The following ARNT variants were observed in gnomAD, a reference collection of about 807,000 sequenced individuals.
ARNT encodes aryl hydrocarbon receptor nuclear translocator.
A neutral mutation model predicts 105.0 loss-of-function variants in ARNT; 30 were observed. That is an observed-to-expected ratio of 0.29 (90% CI 0.21 to 0.39). The LOEUF (loss-of-function observed/expected upper bound fraction) is 0.39, where lower values mean the gene tolerates loss of function less well. ARNT is among the 10% of genes least tolerant of loss of function. ARNT has a pLI of 1.00. For synonymous variants in ARNT, 304 were observed against 344.0 expected (o/e 0.88, Z 1.29); for missense variants, 748 against 978.7 (o/e 0.76, Z 3.15).
intron 6 of ARNT, 147 bp from the exon 7 acceptor site, chr1:150,836,640 C>T (rs10305695): frequency 0.031 from 24,109 of 777,416 alleles, 523 homozygotes; most frequent in Middle Eastern, 0.04. Flanking sequence ...CACAGGTTTC[C>T]ACCCTAAATG....
chr1:150,847,425 CAAAAA>C (rs587697329), intron 3 of ARNT, among the ~76,000 whole-genome samples: 5 of 91,748 alleles, frequency 5.4e-5, no homozygotes, highest in African/African-American at 2.2e-4. Flanking sequence ...GACTCCGTCT[CAAAAA>C]AAAAAAAAAA....
intron 15 of ARNT, 116 bp downstream of exon 15, chr1:150,817,804 A>T: frequency 2.5e-6 from 2 of 791,396 alleles, no homozygotes; most frequent in Non-Finnish European, 3.9e-6. Flanking sequence ...TGAGAGCAAA[A>T]CTCCTTCTCA....
At chr1:150,869,590 G>C (rs1667145749) in intron 1 of ARNT, among the ~76,000 whole-genome samples, 1 of 149,398 alleles carries the variant, frequency 6.7e-6, no homozygotes, top group Non-Finnish European at 1.5e-5. Context: ...CTGTCAACCA[G>C]ATTAGAGTCC....
chr1:150,841,373 A>G (rs956635992), intron 5 of ARNT, among the ~76,000 whole-genome samples: 1 of 151,594 alleles, frequency 6.6e-6, no homozygotes, highest in Non-Finnish European at 1.5e-5. Flanking sequence ...TTTTTCTGAG[A>G]AGAGCAAAGG....
At chr1:150,870,648 C>A (rs1667279861) in intron 1 of ARNT, among the ~76,000 whole-genome samples, 1 of 152,046 alleles carries the variant, frequency 6.6e-6, no homozygotes, top group African/African-American at 2.4e-5. Context: ...GCTGGGACTA[C>A]AGGGAATGCT....
chr1:150,829,592 G>A (rs759972259), intron 11 of ARNT: 1 of 567,222 alleles, frequency 1.8e-6, no homozygotes, highest in Non-Finnish European at 3.2e-6. Flanking sequence ...TTGTTAGTCA[G>A]GTAATGATAC....
At chr1:150,857,925 A>T (rs1664922499) in intron 2 of ARNT, among the ~76,000 whole-genome samples, 1 of 152,166 alleles carries the variant, frequency 6.6e-6, no homozygotes, top group African/African-American at 2.4e-5. Flanking sequence ...AGCTGAATGG[A>T]CTCTGCATTC....
At chr1:150,866,014 G>A (rs1321327131) in intron 1 of ARNT, among the ~76,000 whole-genome samples, 2 of 143,420 alleles carry the variant, frequency 1.4e-5, no homozygotes, top group Non-Finnish European at 3.0e-5. Flanking sequence ...CAGAGTCTTC[G>A]CTCTTTTGCC....
chr1:150,862,982 C>T (rs962931261), intron 1 of ARNT, among the ~76,000 whole-genome samples: 8 of 145,668 alleles, frequency 5.5e-5, no homozygotes, highest in South Asian at 2.1e-4. Context: ...ACACAAAAGG[C>T]GGAGGTTGCA....
At chr1:150,867,533 AAG>A (rs1220922633) in intron 1 of ARNT, among the ~76,000 whole-genome samples, 1 of 152,162 alleles carries the variant, frequency 6.6e-6, no homozygotes. Context: ...TTAAAAGAAA[AAG>A]AGAGAGATAT....
chr1:150,811,919 A>G lies in ARNT; in HGVS notation c.*102T>C. 2.4e-6 allele frequency: 2 copies of G among 831,970 alleles called. No homozygotes were observed. The highest frequency in any genetic ancestry group is 1.8e-5 in the African/African-American group (1 of 56,850). 51.5% of individuals were successfully genotyped at this position (831,970 alleles called of 1,614,324 possible). On this transcript the variant is annotated 3_prime_UTR_variant, in exon 22 of 22. Coordinates refer to ENST00000358595, the MANE Select transcript of ARNT (RefSeq NM_001668.4). ...GGGGGTACATGTCAGGGGTGAGGGA[A>G]GGGAAGGGAGAGGAACTTTTATTCT...
intron 6 of ARNT, among the ~76,000 whole-genome samples, chr1:150,839,037 C>T (rs1660814169): frequency 6.6e-6 from 1 of 152,156 alleles, no homozygotes; most frequent in African/African-American, 2.4e-5. Flanking sequence ...GTTCTTCTAT[C>T]ACCAAAGGTG....
At chr1:150,831,257 G>A (rs1408963682) in intron 10 of ARNT, among the ~76,000 whole-genome samples, 6 of 152,110 alleles carry the variant, frequency 3.9e-5, no homozygotes. Context: ...TACCCAGGCA[G>A]CAGGGAAGTA....
At chr1:150,830,207 A>T in intron 10 of ARNT, 1 of 440,816 alleles carries the variant, frequency 2.3e-6, no homozygotes, top group Non-Finnish European at 4.1e-6. Flanking sequence ...TTAGCCAGGC[A>T]TGGTGGCATG....
chr1:150,874,970 C>A (rs1348264824), intron 1 of ARNT, among the ~76,000 whole-genome samples: 2 of 151,990 alleles, frequency 1.3e-5, no homozygotes, highest in African/African-American at 4.8e-5. Context: ...ATAAAGCAAC[C>A]CCACCCACAC....
chr1:150,855,812 G>A (rs986520385), intron 2 of ARNT, among the ~76,000 whole-genome samples: 1 of 151,612 alleles, frequency 6.6e-6, no homozygotes, highest in Non-Finnish European at 1.5e-5. Context: ...TGAAGTAGGA[G>A]GATTGCTTCC....
intron 15 of ARNT, 62 bp from the exon 16 acceptor site, chr1:150,817,495 C>T: frequency 6.6e-7 from 1 of 1,513,414 alleles, no homozygotes; most frequent in Non-Finnish European, 9.1e-7. Flanking sequence ...AAAAAAGAAT[C>T]TGGAGAAAGA....
chr1:150,824,600 G>A (rs1417251715), intron 13 of ARNT, among the ~76,000 whole-genome samples: 5 of 150,958 alleles, frequency 3.3e-5, no homozygotes, highest in East Asian at 4.0e-4. Flanking sequence ...GACTAGAGGC[G>A]TGCACCATCA....
chr1:150,844,813 CT>C (rs1165504473), intron 4 of ARNT, among the ~76,000 whole-genome samples: 189 of 140,150 alleles, frequency 1.3e-3, no homozygotes, highest in Non-Finnish European at 1.3e-3. Flanking sequence ...TCCTTACTGT[CT>C]TTTTTTTTTT....
Sources: allele counts gnomAD v4.1 joint callset (sites outside exome capture counted in the v4.1 genomes callset), GRCh38; gene constraint gnomAD v4.1.1; transcripts MANE v1.5; gene names NCBI Gene and HGNC (gene_info 2026-07-23, HGNC 2026-07-21).